ATRX: variants seen among roughly 807,000 people sequenced by gnomAD.
The protein encoded by ATRX is chromatin remodeler ATRX.
Under a neutral mutation model 172.6 loss-of-function variants are expected in ATRX, and 12 were observed. That is an observed-to-expected ratio of 0.07 (90% CI 0.04 to 0.11). ATRX has a LOEUF of 0.11. Ranked by LOEUF, ATRX falls within the 10% of genes least tolerant of loss-of-function variation. The probability of loss-of-function intolerance (pLI) is 1.00; values close to 1 mark genes in which losing one functional copy is unlikely to be tolerated. For synonymous variants in ATRX, 674 were observed against 594.7 expected, an observed-to-expected ratio of 1.13 and a Z score of -1.94; for missense variants, 1,368 against 1,767.4, an observed-to-expected ratio of 0.77 and a Z score of 4.05.
intron 15 of ATRX, among the ~76,000 whole-genome samples, chrX:77,640,199 T>C (rs1194497319): frequency 9.0e-6 from 1 of 111,423 alleles, no homozygotes; most frequent in Non-Finnish European, 1.9e-5. Context: ...GAAGAGGGCA[T>C]AGGCTGAACA....
Position 77,683,789 on chromosome X carries a change from G to A in ATRX, c.1467C>T (p.Thr489=), listed in dbSNP as rs199929884. ...PTEEQRTNKS[T]GGEHKKSDRK... ...TATCAGATTTCTTATGTTCACCACC[G>A]GTACTTTTATTTGTTCTTTGTTCCT... is the stretch of plus-strand genomic sequence containing the variant. The change falls in exon 9 of 35, where the codon ACC becomes ACT. Residue 489 remains threonine, a synonymous_variant. Coordinates refer to ENST00000373344, the MANE Select transcript of ATRX (RefSeq NM_000489.6). 326 of 1,207,535 alleles carry A rather than the reference G, an allele frequency of 2.7e-4. No individual in the cohort carries two copies. The highest frequency in any genetic ancestry group is 2.6e-4 in the Non-Finnish European group (232 of 893,081).
chrX:77,738,558 CTTT>C (rs781834798), intron 1 of ATRX, among the ~76,000 whole-genome samples: 1 of 73,543 alleles, frequency 1.4e-5, no homozygotes, highest in African/African-American at 5.2e-5. Flanking sequence ...TCTTTTGTGT[CTTT>C]TTTTTTTTTT....
At chrX:77,699,115 A>C (rs782070878) in intron 2 of ATRX, among the ~76,000 whole-genome samples, 2 of 111,020 alleles carry the variant, frequency 1.8e-5, no homozygotes, top group Admixed American at 1.9e-4. Flanking sequence ...CAATAAAACC[A>C]AAGAGTAGTT....
chrX:77,667,333 G>GTA (rs1390568712), intron 10 of ATRX, among the ~76,000 whole-genome samples: 1 of 107,554 alleles, frequency 9.3e-6, no homozygotes, highest in Non-Finnish European at 1.9e-5. Flanking sequence ...GTGTGTGTGT[G>GTA]TGTGTGTGTA....
chrX:77,627,664 C>T (rs1035192886), intron 19 of ATRX, among the ~76,000 whole-genome samples: 4 of 106,079 alleles, frequency 3.8e-5, no homozygotes, highest in Admixed American at 1.0e-4. Context: ...GAGTTCGAGA[C>T]CAGCCTGGGC....
chrX:77,664,837 TTAAAAA>T, intron 10 of ATRX, 59 bp from the exon 11 acceptor site: 1 of 1,046,275 alleles, frequency 9.6e-7, no homozygotes. Flanking sequence ...ATACACCAAA[TTAAAAA>T]TAAAAACAGA....
intron 7 of ATRX, among the ~76,000 whole-genome samples, chrX:77,686,719 A>C (rs1296426330): frequency 9.0e-6 from 1 of 110,769 alleles, no homozygotes; most frequent in Non-Finnish European, 1.9e-5. Context: ...CGCCTCAAAA[A>C]TAAATAAATA....
intron 1 of ATRX, among the ~76,000 whole-genome samples, chrX:77,723,457 C>T (rs781901187): frequency 4.5e-5 from 5 of 111,549 alleles, no homozygotes; most frequent in African/African-American, 9.8e-5. Context: ...TAACAGACAC[C>T]GTAACTAGAG....
intron 10 of ATRX, among the ~76,000 whole-genome samples, chrX:77,670,456 T>TA: frequency 8.9e-6 from 1 of 112,124 alleles, no homozygotes; most frequent in South Asian, 3.7e-4. Flanking sequence ...GGATAGGAAT[T>TA]AAAAAACAAA....
intron 22 of ATRX, among the ~76,000 whole-genome samples, chrX:77,606,152 G>A (rs1488374706): frequency 1.8e-5 from 2 of 109,965 alleles, no homozygotes; most frequent in African/African-American, 6.6e-5. Flanking sequence ...TTTACCTAAA[G>A]AATTTTCATT....
chrX:77,712,222 T>C (rs782521665), intron 2 of ATRX, among the ~76,000 whole-genome samples: 1 of 112,139 alleles, frequency 8.9e-6, no homozygotes, highest in South Asian at 3.7e-4. Context: ...AATTCAGCCA[T>C]TGCCACTTCT....
intron 15 of ATRX, among the ~76,000 whole-genome samples, chrX:77,645,449 A>C (rs5912199): frequency 0.011 from 1,266 of 111,833 alleles, 17 homozygotes; most frequent in African/African-American, 0.039. Context: ...TCAGCTGAGG[A>C]TTCTATACCC....
At position 77,737,435 on chromosome X, in the gene ATRX, A is replaced by AGGG. The variant is rs1210379916; in HGVS notation, c.21-20195_21-20193dup. 5.4e-3 allele frequency among the ~76,000 whole-genome samples: 211 copies of AGGG among 39,115 alleles called. 4 individuals carry two copies. The highest frequency in any genetic ancestry group is 0.015 in the African/African-American group (103 of 6,990). 34.0% of individuals were successfully genotyped at this position (39,115 alleles called of 115,157 possible). A position where few individuals can be genotyped will look rare whatever the true frequency, so the allele number is the denominator to read the frequency against. On this transcript the variant is annotated intron_variant, in intron 1 of 34. Coordinates refer to ENST00000373344, the MANE Select transcript of ATRX (RefSeq NM_000489.6). ...AAGACTCTGTCTCCAAAAAAAAAAA[A>AGGG]GGGGGGGGGGGGCCTAGTATTTGAT...
At chrX:77,750,449 G>A (rs1275634712) in intron 1 of ATRX, among the ~76,000 whole-genome samples, 1 of 111,074 alleles carries the variant, frequency 9.0e-6, no homozygotes, top group Non-Finnish European at 1.9e-5. Flanking sequence ...TAATAAACTT[G>A]TTCTACATAA....
chrX:77,622,185 A>G (rs1160589786), intron 19 of ATRX, among the ~76,000 whole-genome samples: 2 of 111,994 alleles, frequency 1.8e-5, no homozygotes, highest in Non-Finnish European at 3.8e-5. Flanking sequence ...ATACTCTTCC[A>G]CAGGCACCCA....
intron 1 of ATRX, among the ~76,000 whole-genome samples, chrX:77,755,517 T>TTG (rs2075456803): frequency 8.9e-6 from 1 of 112,118 alleles, no homozygotes; most frequent in Admixed American, 9.5e-5. Context: ...GATGGGGTTT[T>TTG]TGTGTGGGGG....
At chrX:77,574,712 C>T (rs189648198) in intron 27 of ATRX, among the ~76,000 whole-genome samples, 1 of 111,468 alleles carries the variant, frequency 9.0e-6, no homozygotes, top group East Asian at 2.8e-4. Context: ...CTGTAAATGG[C>T]CACGTTTTTC....
At chrX:77,527,730 A>G (rs946676975) in intron 30 of ATRX, among the ~76,000 whole-genome samples, 1 of 111,836 alleles carries the variant, frequency 8.9e-6, no homozygotes, top group Non-Finnish European at 1.9e-5. Flanking sequence ...CTCACAGGCT[A>G]AGACCCACTG....
At chrX:77,530,719 A>G (rs782447475) in intron 30 of ATRX, among the ~76,000 whole-genome samples, 1 of 111,570 alleles carries the variant, frequency 9.0e-6, no homozygotes, top group African/African-American at 3.3e-5. Flanking sequence ...ATCAAACCCC[A>G]AAGCTAGCAG....
Sources: gnomAD v4.1 joint callset for allele counts (sites outside exome capture counted in the v4.1 genomes callset) on GRCh38, gnomAD v4.1.1 for gene constraint, MANE v1.5 for transcripts, NCBI Gene and HGNC (gene_info 2026-07-23, HGNC 2026-07-21) for gene names.